The following ERBB4 variants were observed in gnomAD, a reference collection of about 807,000 sequenced individuals.
The protein encoded by ERBB4 is erb-b2 receptor tyrosine kinase 4, also known as receptor tyrosine-protein kinase erbB-4.
A neutral mutation model predicts 158.0 loss-of-function variants in ERBB4; 42 were observed. The ratio of observed to expected loss-of-function variants is 0.27; its 90% confidence interval spans 0.21 to 0.34. ERBB4 has a LOEUF of 0.34. ERBB4 is among the 10% of genes least tolerant of loss of function. The pLI, the probability that ERBB4 is intolerant of heterozygous loss-of-function variation, is 1.00. For missense variants in ERBB4, 1,333 were observed against 1,624.1 expected, an observed-to-expected ratio of 0.82 and a Z score of 3.08; for synonymous variants, 583 against 558.7, an observed-to-expected ratio of 1.04 and a Z score of -0.61.
At chr2:212,077,526 G>C (rs564830842) in intron 2 of ERBB4, among the ~76,000 whole-genome samples, 1 of 151,874 alleles carries the variant, frequency 6.6e-6, no homozygotes, top group Non-Finnish European at 1.5e-5. Flanking sequence ...TTGAGCAAAA[G>C]AAGGAAGACA....
At chr2:211,667,533 T>C (rs76265757) in intron 14 of ERBB4, among the ~76,000 whole-genome samples, 2,665 of 151,934 alleles carry the variant, frequency 0.018, 89 homozygotes, top group African/African-American at 0.061. Context: ...CAAAAAAGAA[T>C]ACTTCACATC....
rs560037674 is a variant in ERBB4 at position 211,722,241 on chromosome 2, GTTTC to G, written c.883+148_883+151del. On this transcript the variant is annotated intron_variant, in intron 7 of 27. Transcript: ENST00000342788. The stretch of plus-strand genomic sequence containing the variant: ...CAAATCACTTTAAAGTTTTGGTTTA[GTTTC>G]TTTATTTATAAAATGGGGGCAATAG... 2.4e-3 allele frequency: 1,574 copies of G among 661,890 alleles called. 23 individuals carry two copies. Among genetic ancestry groups the G allele is most frequent in the South Asian group, 0.018 (926 of 52,664 alleles). The allele number at this position is 661,890 out of a possible 1,614,324, so 41.0% of individuals were successfully genotyped here. A position where few individuals can be genotyped will look rare whatever the true frequency, so the allele number is the denominator to read the frequency against.
intron 2 of ERBB4, among the ~76,000 whole-genome samples, chr2:212,055,831 A>T (rs1443340926): frequency 3.9e-5 from 6 of 152,238 alleles, no homozygotes; most frequent in Admixed American, 3.3e-4. Context: ...ATGGGGAAAA[A>T]ACAGAGGACA....
chr2:212,192,049 TTA>T (rs549273526), intron 1 of ERBB4, among the ~76,000 whole-genome samples: 2,207 of 42,610 alleles, frequency 0.052, 82 homozygotes, highest in African/African-American at 0.15. Flanking sequence ...TATATATATG[TTA>T]TATGTTATAT....
At chr2:211,853,986 C>A (rs926180019) in intron 3 of ERBB4, among the ~76,000 whole-genome samples, 3 of 152,122 alleles carry the variant, frequency 2.0e-5, no homozygotes, top group African/African-American at 7.2e-5. Flanking sequence ...ACAATATGAA[C>A]CTTTTAACCC....
Position 211,561,975 on chromosome 2 carries a change from C to T in ERBB4, c.2415G>A (p.Leu805=), listed in dbSNP as rs2125721620. 1 of 1,614,094 alleles carries T rather than the reference C, an allele frequency of 6.2e-7. No homozygotes were observed. Among genetic ancestry groups the T allele is most frequent in the Non-Finnish European group, 8.5e-7 (1 of 1,180,020 alleles). ...TATCCTTGTGCTCGTGGACATACTCCAACAGGCAGCCATGGGGCATAAGTT... is the reference window on the plus strand; with the variant it reads ...TATCCTTGTGCTCGTGGACATACTCTAACAGGCAGCCATGGGGCATAAGTT... ...VTQLMPHGCL[L]EYVHEHKDNI... The change falls in exon 20 of 28, where the codon TTG becomes TTA. Residue 805 remains leucine (L), a synonymous_variant. Transcript: ENST00000342788.
chr2:212,165,362 C>G (rs1162265746), intron 1 of ERBB4, among the ~76,000 whole-genome samples: 2 of 151,708 alleles, frequency 1.3e-5, no homozygotes, highest in South Asian at 4.2e-4. Context: ...AATTCTACAT[C>G]AGAGGCAAAT....
At chr2:211,790,964 T>C (rs2076267544) in intron 3 of ERBB4, among the ~76,000 whole-genome samples, 1 of 151,938 alleles carries the variant, frequency 6.6e-6, no homozygotes. Flanking sequence ...CAGAAAGTAA[T>C]GTTATAATGG....
intron 20 of ERBB4, among the ~76,000 whole-genome samples, chr2:211,533,700 T>A (rs2066566292): frequency 6.6e-6 from 1 of 151,988 alleles, no homozygotes. Flanking sequence ...ATCTAGATTA[T>A]TTTTAGGGAT....
intron 1 of ERBB4, among the ~76,000 whole-genome samples, chr2:212,515,363 T>G (rs573294769): frequency 1.3e-5 from 2 of 152,274 alleles, no homozygotes; most frequent in Admixed American, 6.5e-5. Flanking sequence ...CATTCAAGTT[T>G]ACAAATTTGA....
At chr2:211,670,420 G>A (rs1851168) in intron 14 of ERBB4, among the ~76,000 whole-genome samples, 84,132 of 151,954 alleles carry the variant, frequency 0.55, 23,967 homozygotes, top group Middle Eastern at 0.64. Context: ...AACTTTTGGA[G>A]TTCTAAAAAT....
chr2:211,880,158 T>C (rs1430245510), intron 3 of ERBB4, among the ~76,000 whole-genome samples: 1 of 152,114 alleles, frequency 6.6e-6, no homozygotes, highest in East Asian at 1.9e-4. Context: ...GACAGTGTTT[T>C]GTTTTCTTCT....
chr2:211,973,818 C>T (rs185970259), intron 2 of ERBB4, among the ~76,000 whole-genome samples: 5 of 152,250 alleles, frequency 3.3e-5, no homozygotes, highest in Admixed American at 2.0e-4. Flanking sequence ...ATAGCAAAGA[C>T]ATGGATTCAA....
At chr2:212,066,880 G>A (rs1460778394) in intron 2 of ERBB4, among the ~76,000 whole-genome samples, 2 of 151,916 alleles carry the variant, frequency 1.3e-5, no homozygotes, top group African/African-American at 4.8e-5. Flanking sequence ...CCATTGGAAT[G>A]AATTTTCAAA....
chr2:211,844,738 A>C (rs1401272809), intron 3 of ERBB4, among the ~76,000 whole-genome samples: 1 of 152,202 alleles, frequency 6.6e-6, no homozygotes, highest in East Asian at 1.9e-4. Flanking sequence ...TGGATGATAC[A>C]TGACTATAGT....
At chr2:212,128,201 T>TA (rs1175723117) in intron 1 of ERBB4, among the ~76,000 whole-genome samples, 5 of 152,216 alleles carry the variant, frequency 3.3e-5, no homozygotes, top group Non-Finnish European at 1.5e-5. Context: ...TAAATACCTC[T>TA]AAAATCTTTA....
At chr2:211,772,949 ATATATATTTT>A (rs1170149408) in intron 4 of ERBB4, among the ~76,000 whole-genome samples, 2 of 74,998 alleles carry the variant, frequency 2.7e-5, no homozygotes, top group African/African-American at 1.5e-4. Flanking sequence ...ATATATATAT[ATATATATTTT>A]TTTTTTTAAA....
chr2:212,297,240 A>G (rs1386304688), intron 1 of ERBB4, among the ~76,000 whole-genome samples: 1 of 152,024 alleles, frequency 6.6e-6, no homozygotes, highest in South Asian at 2.1e-4. Flanking sequence ...AGATTATCCA[A>G]TAAAACAGTT....
intron 4 of ERBB4, among the ~76,000 whole-genome samples, chr2:211,758,903 G>A (rs948800963): frequency 6.6e-6 from 1 of 152,144 alleles, no homozygotes; most frequent in East Asian, 1.9e-4. Context: ...AAATTTGTAT[G>A]TCCAGTCTAG....
Sources: gnomAD v4.1 joint callset for allele counts (sites outside exome capture counted in the v4.1 genomes callset) on GRCh38, gnomAD v4.1.1 for gene constraint, MANE v1.5 for transcripts, NCBI Gene and HGNC (gene_info 2026-07-23, HGNC 2026-07-21) for gene names.